SLC24A3: variants seen among roughly 807,000 people sequenced by gnomAD.
The protein encoded by SLC24A3 is solute carrier family 24 member 3.
In SLC24A3, 28 loss-of-function variants were observed where a neutral mutation model predicts 75.8. That is an observed-to-expected ratio of 0.37 (90% CI 0.27 to 0.51). SLC24A3 has a LOEUF of 0.51. Ranked by LOEUF, SLC24A3 falls within the 20% of genes least tolerant of loss-of-function variation. SLC24A3 has a pLI of 0.94. For synonymous variants in SLC24A3, 372 were observed against 334.1 expected (o/e 1.11, Z -1.24); for missense variants, 663 against 847.8 (o/e 0.78, Z 2.71).
rs568394140 is a variant in SLC24A3 at position 19,514,024 on chromosome 20, A to G, written c.272-1464A>G. Among the ~76,000 whole-genome samples the G allele has an allele frequency of 2.6e-5, 4 of 152,324 alleles. No individual in the cohort carries two copies. In the South Asian group the frequency reaches 8.3e-4, roughly 32 times the overall value. Reference sequence around the variant, plus strand: ...TACTTTGGAAGGTGAGCCTTGCTTTATGTACTAGACGTACCCTTTGGCCCA... The same window carrying G: ...TACTTTGGAAGGTGAGCCTTGCTTTGTGTACTAGACGTACCCTTTGGCCCA... On this transcript the variant is annotated intron_variant, in intron 2 of 16. Transcript: ENST00000328041.
At chr20:19,345,745 C>T (rs991825665) in intron 2 of SLC24A3, among the ~76,000 whole-genome samples, 4 of 151,904 alleles carry the variant, frequency 2.6e-5, no homozygotes, top group African/African-American at 9.7e-5. Context: ...GCAATACCAC[C>T]TCACTCCTGC....
At chr20:19,461,587 C>T (rs1433202845) in intron 2 of SLC24A3, among the ~76,000 whole-genome samples, 1 of 132,770 alleles carries the variant, frequency 7.5e-6, no homozygotes, top group African/African-American at 2.9e-5. Context: ...GGCTAGAGTG[C>T]AGTGGCACAA....
At chr20:19,286,760 A>G (rs1983828245) in intron 2 of SLC24A3, among the ~76,000 whole-genome samples, 1 of 152,254 alleles carries the variant, frequency 6.6e-6, no homozygotes, top group Non-Finnish European at 1.5e-5. Flanking sequence ...CAAAAGTACA[A>G]AGAAACAGGT....
At chr20:19,446,312 A>G (rs1987383502) in intron 2 of SLC24A3, among the ~76,000 whole-genome samples, 1 of 152,252 alleles carries the variant, frequency 6.6e-6, no homozygotes, top group Non-Finnish European at 1.5e-5. Flanking sequence ...TACAGATTTA[A>G]AAACCATGTA....
intron 6 of SLC24A3, among the ~76,000 whole-genome samples, chr20:19,612,607 A>AGTGTGTGTGTGTGTGTGTGTGTGT (rs71198018): frequency 6.8e-6 from 1 of 146,832 alleles, no homozygotes; most frequent in African/African-American, 2.5e-5. Flanking sequence ...CCTTAAGAAA[A>AGTGTGTGTGTGTGTGTGTGTGTGT]GTGTGTGTGT....
intron 2 of SLC24A3, among the ~76,000 whole-genome samples, chr20:19,451,404 C>T (rs527419154): frequency 1.3e-5 from 2 of 152,194 alleles, no homozygotes; most frequent in Non-Finnish European, 2.9e-5. Context: ...GCTTTCTTAT[C>T]AGTCGCTATC....
At chr20:19,668,807 A>G (rs1263109904) in intron 8 of SLC24A3, among the ~76,000 whole-genome samples, 1 of 152,190 alleles carries the variant, frequency 6.6e-6, no homozygotes, top group Non-Finnish European at 1.5e-5. Flanking sequence ...TCTTACTATC[A>G]GTGCCCCGGA....
At chr20:19,249,778 T>C (rs961610496) in intron 1 of SLC24A3, among the ~76,000 whole-genome samples, 1 of 152,200 alleles carries the variant, frequency 6.6e-6, no homozygotes, top group Non-Finnish European at 1.5e-5. Context: ...CACATGTTAA[T>C]TGCATGATGA....
In SLC24A3 at chr20:19,609,361, G is replaced by A. The variant is rs2031641603; in HGVS notation, c.612+23817G>A. Among the ~76,000 whole-genome samples the A allele has an allele frequency of 2.0e-5, 3 of 151,040 alleles. No homozygotes were observed. The South Asian group carries it at 6.3e-4, about 32-fold the overall frequency. ...TTTATTTCTGTCCTACCACAATAGAGAAATCTTAATTTTTTAGTATTTATT... is the reference window on the plus strand; with the variant it reads ...TTTATTTCTGTCCTACCACAATAGAAAAATCTTAATTTTTTAGTATTTATT... On this transcript the variant is annotated intron_variant, in intron 6 of 16. Coordinates refer to ENST00000328041, the MANE Select transcript of SLC24A3 (RefSeq NM_020689.4).
chr20:19,507,969 A>G (rs1988484581), intron 2 of SLC24A3, among the ~76,000 whole-genome samples: 1 of 152,188 alleles, frequency 6.6e-6, no homozygotes. Context: ...TCCTGTCCTC[A>G]GGGAGCTGAG....
At chr20:19,317,995 A>G (rs1277845443) in intron 2 of SLC24A3, among the ~76,000 whole-genome samples, 5 of 152,228 alleles carry the variant, frequency 3.3e-5, no homozygotes, top group Non-Finnish European at 1.5e-5. Context: ...TTTGGAGGCC[A>G]GAGTCCACAC....
intron 3 of SLC24A3, among the ~76,000 whole-genome samples, chr20:19,529,434 GC>G (rs1354536965): frequency 2.0e-5 from 3 of 152,086 alleles, no homozygotes. Flanking sequence ...TCTCTCTGTA[GC>G]CCCACCCATC....
chr20:19,696,672 A>T, intron 13 of SLC24A3, 125 bp from the exon 14 acceptor site: 1 of 654,412 alleles, frequency 1.5e-6, no homozygotes, highest in Non-Finnish European at 2.8e-6. Flanking sequence ...TGATACAGAG[A>T]GCAGACATTG....
At chr20:19,449,707 C>T (rs990028561) in intron 2 of SLC24A3, among the ~76,000 whole-genome samples, 1 of 152,144 alleles carries the variant, frequency 6.6e-6, no homozygotes, top group East Asian at 1.9e-4. Flanking sequence ...GGACTTAAAC[C>T]ACATGCCTTG....
chr20:19,244,605 G>A (rs972614728), intron 1 of SLC24A3, among the ~76,000 whole-genome samples: 2 of 152,132 alleles, frequency 1.3e-5, no homozygotes, highest in African/African-American at 4.8e-5. Context: ...GCGGCAGGCC[G>A]GCAATGTGAA....
In SLC24A3 at chr20:19,580,049, T is replaced by C. The variant is rs2031197500; in HGVS notation, c.398T>C (p.Val133Ala). Residue 133 changes from valine (V) to alanine (A), a missense_variant, in exon 4 of 17, where the codon GTC becomes GCC. Val to Ala is a moderately conservative substitution (Grantham distance 64, BLOSUM62 0). This residue lies in a region of SLC24A3 where 510 missense variants were observed against 703.6 expected (regional missense o/e 0.72). Transcript: ENST00000328041. ...GCCATTGTGTGTGATGACTTCTTCG[T>C]CCCTTCCTTGGAAAAGATCTGTGAG... Reference protein sequence around the residue: ...ALAIVCDDFFVPSLEKICERL... With the variant: ...ALAIVCDDFFAPSLEKICERL... The C allele has an allele frequency of 6.2e-7, 1 of 1,613,954 alleles. No individual in the cohort carries two copies. The highest frequency in any genetic ancestry group is 8.5e-7 in the Non-Finnish European group (1 of 1,179,850).
chr20:19,241,490 G>C (rs1301100611), intron 1 of SLC24A3, among the ~76,000 whole-genome samples: 3 of 152,192 alleles, frequency 2.0e-5, no homozygotes, highest in Non-Finnish European at 2.9e-5. Context: ...TTCTTGCGGT[G>C]GGCCTATTGA....
intron 3 of SLC24A3, among the ~76,000 whole-genome samples, chr20:19,525,147 A>G (rs1165755142): frequency 2.0e-5 from 3 of 152,152 alleles, no homozygotes; most frequent in Non-Finnish European, 2.9e-5. Context: ...CCCCCCTTAT[A>G]TAGTAGAGAC....
chr20:19,609,509 C>T (rs1481446533), intron 6 of SLC24A3, among the ~76,000 whole-genome samples: 7 of 152,080 alleles, frequency 4.6e-5, no homozygotes, highest in Non-Finnish European at 1.0e-4. Flanking sequence ...ATCAACCTGT[C>T]ATCTAGGTTT....
Sources: allele counts gnomAD v4.1 joint callset (sites outside exome capture counted in the v4.1 genomes callset), GRCh38; gene constraint gnomAD v4.1.1; regional missense constraint gnomAD v4.1.1; transcripts MANE v1.5; gene names NCBI Gene and HGNC (gene_info 2026-07-23, HGNC 2026-07-21).